The following SHISA9 variants were observed in gnomAD, a reference collection of about 807,000 sequenced individuals.
The protein encoded by SHISA9 is protein shisa-9.
In SHISA9, 13 loss-of-function variants were observed where a neutral mutation model predicts 38.0. That is an observed-to-expected ratio of 0.34 (90% confidence interval 0.22 to 0.54). The LOEUF is 0.54. Among genes scored for constraint, SHISA9 ranks in the 20% least tolerant of loss-of-function variants. The pLI is 0.91. For missense variants in SHISA9, 538 were observed against 575.8 expected, an observed-to-expected ratio of 0.93 and a Z score of 0.67; for synonymous variants, 275 against 242.0, an observed-to-expected ratio of 1.14 and a Z score of -1.27.
chr16:13,560,351 T>C, the SHISA9 span, among the ~76,000 whole-genome samples: 14 of 152,206 alleles, frequency 9.2e-5, no homozygotes, highest in East Asian at 2.3e-3. Context: ...GCCAGGAGGG[T>C]GTAAGCTGCT....
At chr16:13,108,237 T>C (rs140310038) in intron 2 of SHISA9, among the ~76,000 whole-genome samples, 32 of 152,012 alleles carry the variant, frequency 2.1e-4, no homozygotes, top group African/African-American at 6.5e-4. Context: ...CAAGTGATCC[T>C]CCTACCTCAC....
intron 2 of SHISA9, among the ~76,000 whole-genome samples, chr16:13,190,998 G>A (rs2050879839): frequency 6.6e-6 from 1 of 151,614 alleles, no homozygotes. Context: ...AACCTTTTCT[G>A]ATGTAAGCCT....
intron 2 of SHISA9, among the ~76,000 whole-genome samples, chr16:13,180,995 T>C (rs544913249): frequency 1.3e-5 from 2 of 151,990 alleles, no homozygotes; most frequent in Admixed American, 6.6e-5. Context: ...GCAGTTACCA[T>C]GGGCTAGAAA....
the SHISA9 span, among the ~76,000 whole-genome samples, chr16:13,554,465 G>A: frequency 6.7e-6 from 1 of 150,172 alleles, no homozygotes; most frequent in Non-Finnish European, 1.5e-5. Context: ...TGTGACACAA[G>A]AACTCTCACA....
intron 2 of SHISA9, among the ~76,000 whole-genome samples, chr16:13,103,836 G>A (rs1452929818): frequency 3.3e-5 from 5 of 152,188 alleles, no homozygotes; most frequent in African/African-American, 4.8e-5. Flanking sequence ...GGGCCACCAT[G>A]TCATAGGCTT....
intron 2 of SHISA9, among the ~76,000 whole-genome samples, chr16:13,132,527 C>T (rs2050315009): frequency 6.6e-6 from 1 of 152,130 alleles, no homozygotes; most frequent in South Asian, 2.1e-4. Flanking sequence ...CTGGCTTCTA[C>T]TCCCTAGATT....
chr16:13,056,607 G>C (rs1400244763), intron 2 of SHISA9, among the ~76,000 whole-genome samples: 2 of 152,210 alleles, frequency 1.3e-5, no homozygotes, highest in South Asian at 4.1e-4. Context: ...GATTGTCTGA[G>C]TTCAGACTCA....
chr16:12,928,265 C>T (rs899393226), intron 2 of SHISA9, among the ~76,000 whole-genome samples: 4 of 151,512 alleles, frequency 2.6e-5, no homozygotes, highest in African/African-American at 9.7e-5. Flanking sequence ...TATTGAGTAC[C>T]TACTAAATAC....
intron 1 of SHISA9, chr16:12,903,079 G>C (rs1216994451): frequency 6.1e-6 from 1 of 164,484 alleles, no homozygotes; most frequent in Non-Finnish European, 1.3e-5. Flanking sequence ...GCGCGCGTGT[G>C]TGAAGGAGGG....
At chr16:13,350,780 G>A in the SHISA9 span, among the ~76,000 whole-genome samples, 1 of 152,094 alleles carries the variant, frequency 6.6e-6, no homozygotes, top group Non-Finnish European at 1.5e-5. Context: ...TGAGCCCTGG[G>A]GTATTAATTC....
At chr16:13,226,113 T>A (rs1232115347) in intron 4 of SHISA9, among the ~76,000 whole-genome samples, 1 of 152,186 alleles carries the variant, frequency 6.6e-6, no homozygotes, top group Non-Finnish European at 1.5e-5. Context: ...TTTAATATAC[T>A]AAGACAGGGA....
chr16:13,050,259 C>A (rs1391153097), intron 2 of SHISA9, among the ~76,000 whole-genome samples: 1 of 152,068 alleles, frequency 6.6e-6, no homozygotes, highest in Non-Finnish European at 1.5e-5. Context: ...ATAAATTAAT[C>A]TCTGGATGAA....
chr16:13,084,676 A>T, intron 2 of SHISA9, among the ~76,000 whole-genome samples: 1 of 152,188 alleles, frequency 6.6e-6, no homozygotes, highest in Non-Finnish European at 1.5e-5. Context: ...GAGGTTCGGG[A>T]TGTTGTGTGA....
chr16:13,104,415 A>G (rs1057045672), intron 2 of SHISA9, among the ~76,000 whole-genome samples: 4 of 152,254 alleles, frequency 2.6e-5, no homozygotes, highest in Non-Finnish European at 5.9e-5. Flanking sequence ...TCATACAAAC[A>G]TTATTTATAA....
chr16:13,509,380 C>G, the SHISA9 span, among the ~76,000 whole-genome samples: 1 of 152,134 alleles, frequency 6.6e-6, no homozygotes, highest in Non-Finnish European at 1.5e-5. Flanking sequence ...TGCCTGGATT[C>G]AAAGCATGCC....
the SHISA9 span, among the ~76,000 whole-genome samples, chr16:13,344,172 GA>G: frequency 6.6e-6 from 1 of 152,180 alleles, no homozygotes; most frequent in Non-Finnish European, 1.5e-5. Flanking sequence ...AATCACCCAA[GA>G]AACCCACTGA....
chr16:12,918,459 G>C (rs952033177), intron 2 of SHISA9, among the ~76,000 whole-genome samples: 1 of 152,160 alleles, frequency 6.6e-6, no homozygotes, highest in African/African-American at 2.4e-5. Context: ...TTTTGAATCA[G>C]CACTCAAATG....
chr16:13,255,015 A>G, the SHISA9 span, among the ~76,000 whole-genome samples: 1 of 151,804 alleles, frequency 6.6e-6, no homozygotes, highest in Non-Finnish European at 1.5e-5. Context: ...TTCTTTCTAT[A>G]TCATCCTCTT....
chr16:13,196,821 C>T (rs565186453), intron 2 of SHISA9, among the ~76,000 whole-genome samples: 12 of 152,092 alleles, frequency 7.9e-5, no homozygotes, highest in East Asian at 1.9e-4. Flanking sequence ...AGGCCAGGAG[C>T]GGTGGCTTAC....
Sources: allele counts gnomAD v4.1 joint callset (sites outside exome capture counted in the v4.1 genomes callset), GRCh38; gene constraint gnomAD v4.1.1; transcripts MANE v1.5; gene names NCBI Gene and HGNC (gene_info 2026-07-23, HGNC 2026-07-21).